The following LRP11 variants were observed in gnomAD, a reference collection of about 807,000 sequenced individuals.
LRP11 encodes LDL receptor related protein 11.
A neutral mutation model predicts 43.1 loss-of-function variants in LRP11; 25 were observed. The ratio of observed to expected loss-of-function variants is 0.58; its 90% confidence interval spans 0.42 to 0.81. The LOEUF is 0.81. Among genes scored for constraint, LRP11 ranks in the 30% least tolerant of loss-of-function variants. The pLI, the probability that LRP11 is intolerant of heterozygous loss-of-function variation, is 0.00. For missense variants in LRP11, 623 were observed against 665.1 expected (o/e 0.94, Z 0.70); for synonymous variants, 316 against 299.4 (o/e 1.06, Z -0.57).
chr6:149,852,066 T>A (rs1249434408), intron 2 of LRP11, among the ~76,000 whole-genome samples: 1 of 152,114 alleles, frequency 6.6e-6, no homozygotes, highest in Non-Finnish European at 1.5e-5. Context: ...CCACCTGGTC[T>A]CTCCCTTGAC....
At chr6:149,839,381 C>CT (rs1776515969) in intron 3 of LRP11, among the ~76,000 whole-genome samples, 1 of 152,094 alleles carries the variant, frequency 6.6e-6, no homozygotes, top group Non-Finnish European at 1.5e-5. Flanking sequence ...GAACATGGGC[C>CT]TGAAGGAGAG....
chr6:149,844,161 G>A (rs1268133033), intron 2 of LRP11, among the ~76,000 whole-genome samples: 2 of 151,072 alleles, frequency 1.3e-5, no homozygotes, highest in African/African-American at 2.4e-5. Context: ...GCTGAGGCAG[G>A]AGAATCGCTT....
chr6:149,826,358 A>G lies in LRP11; in HGVS notation c.1254T>C (p.Asp418=). The G allele has an allele frequency of 6.2e-7, 1 of 1,604,474 alleles. No individual in the cohort carries two copies. Among genetic ancestry groups the G allele is most frequent in the Non-Finnish European group, 8.5e-7 (1 of 1,171,410 alleles). The change falls in exon 6 of 7, where the codon GAT becomes GAC. Residue 418 remains aspartate, a splice_region_variant and synonymous_variant. Coordinates refer to ENST00000239367, the MANE Select transcript of LRP11 (RefSeq NM_032832.6). ...PESQIIPVMP[D]SSSSGKNRKE... ...TTCTGTTCTTCCCTGAGGAACTACT[A>G]TCTGCAGAAAAGAAAGAGAACATAT...
chr6:149,856,755 C>G (rs1023970394), intron 1 of LRP11, among the ~76,000 whole-genome samples: 1 of 152,162 alleles, frequency 6.6e-6, no homozygotes, highest in Admixed American at 6.5e-5. Context: ...ATAATATCAA[C>G]CAGCCTCATT....
intron 6 of LRP11, among the ~76,000 whole-genome samples, chr6:149,822,349 A>G (rs1468707648): frequency 6.6e-6 from 1 of 152,026 alleles, no homozygotes; most frequent in Non-Finnish European, 1.5e-5. Context: ...CAAAAAAAAA[A>G]AAGAGAAGTG....
At chr6:149,861,045 G>T (rs140878500) in intron 1 of LRP11, among the ~76,000 whole-genome samples, 1 of 152,144 alleles carries the variant, frequency 6.6e-6, no homozygotes, top group African/African-American at 2.4e-5. Context: ...CTGTAAGTTC[G>T]TGCTATCCCA....
Position 149,826,262 on chromosome 6 carries a change from A to G in LRP11, c.1348+2T>C. ...CAAAGGGTTTCCAAGGTGGACATTT[A>G]CCTGTTTCTGGGGCTGGGTGTTCCC... On this transcript the variant is annotated splice_donor_variant, in intron 6 of 6. Coordinates refer to ENST00000239367, the MANE Select transcript of LRP11 (RefSeq NM_032832.6). LOFTEE classifies it high-confidence loss of function. 6.2e-7 allele frequency: 1 copy of G among 1,608,982 alleles called. No individual in the cohort carries two copies. Among genetic ancestry groups the G allele is most frequent in the Non-Finnish European group, 8.5e-7 (1 of 1,175,382 alleles).
At position 149,859,377 on chromosome 6, in the gene LRP11, C is replaced by CATATATATATATATATATATATATATAT. The variant is rs201050390; in HGVS notation, c.613+4030_613+4031insATATATATATATATATATATATATATAT. On this transcript the variant is annotated intron_variant, in intron 1 of 6. Transcript: ENST00000239367. ...TTTATTTTTATTTTTCTTGCTGACT[C>CATATATATATATATATATATATATATAT]ATATATATATATATATATATTTTTT... Among the ~76,000 whole-genome samples the CATATATATATATATATATATATATATAT allele has an allele frequency of 1.1e-3, 57 of 51,538 alleles. 3 individuals carry two copies. The highest frequency in any genetic ancestry group is 9.8e-3 in the Middle Eastern group (1 of 102). 33.8% of individuals were successfully genotyped at this position (51,538 alleles called of 152,430 possible).
Position 149,836,118 on chromosome 6 carries a change from C to G in LRP11, c.1219G>C (p.Gly407Arg), listed in dbSNP as rs750743970. 3 of 1,614,036 alleles carry G rather than the reference C, an allele frequency of 1.9e-6. No homozygotes were observed. Among genetic ancestry groups the G allele is most frequent in the East Asian group, 2.2e-5 (1 of 44,880 alleles). The change falls in exon 5 of 7, where the codon GGA (glycine) becomes CGA (arginine). Residue 407 changes from glycine (G) to arginine (R), a missense_variant. Transcript: ENST00000239367. Reference sequence around the variant, plus strand: ...ACAGGAATGATTTGACTCTCTGGTCCCCAAAAGGCGGAATGATTCCTCTTC... The same window carrying G: ...ACAGGAATGATTTGACTCTCTGGTCGCCAAAAGGCGGAATGATTCCTCTTC... ...TEKRNHSAFW[G>R]PESQIIPVMP...
chr6:149,824,273 A>G (rs1776311850), intron 6 of LRP11, among the ~76,000 whole-genome samples: 1 of 152,198 alleles, frequency 6.6e-6, no homozygotes, highest in South Asian at 2.1e-4. Context: ...TAACAATAAA[A>G]CAGACGAGAT....
chr6:149,847,436 G>T (rs1776653632), intron 2 of LRP11, among the ~76,000 whole-genome samples: 1 of 152,174 alleles, frequency 6.6e-6, no homozygotes, highest in African/African-American at 2.4e-5. Context: ...CCTGCATTCA[G>T]ATATTTAGAA....
At chr6:149,851,626 C>T (rs1038236881) in intron 2 of LRP11, among the ~76,000 whole-genome samples, 1 of 152,212 alleles carries the variant, frequency 6.6e-6, no homozygotes, top group Non-Finnish European at 1.5e-5. Flanking sequence ...GCGTAGCCTG[C>T]TTGCCCAACA....
In LRP11 at chr6:149,842,980, C is replaced by T; in HGVS notation, c.913+3G>A. 1.9e-6 allele frequency: 3 copies of T among 1,614,120 alleles called. No homozygotes were observed. The highest frequency in any genetic ancestry group is 2.5e-6 in the Non-Finnish European group (3 of 1,180,002). ...GGAAGCGAGGGAAGGACTTTCTTCT[C>T]ACCTCCTGTGGAGTAGGCTGCGCGA... On this transcript the variant is annotated splice_donor_region_variant and intron_variant, in intron 3 of 6. Coordinates refer to ENST00000239367, the MANE Select transcript of LRP11 (RefSeq NM_032832.6).
intron 3 of LRP11, chr6:149,842,732 G>A (rs1776567854): frequency 7.2e-6 from 11 of 1,519,328 alleles, no homozygotes; most frequent in Non-Finnish European, 8.9e-6. Flanking sequence ...ATGAAGTCGA[G>A]TCAAGAGAAG....
chr6:149,850,468 T>C (rs913260284), intron 2 of LRP11, among the ~76,000 whole-genome samples: 1 of 152,152 alleles, frequency 6.6e-6, no homozygotes, highest in African/African-American at 2.4e-5. Context: ...AATATGAATA[T>C]TTTTCAAAGA....
At position 149,836,281 on chromosome 6, in the gene LRP11, C is replaced by A. The variant is rs1191060454; in HGVS notation, c.1056G>T (p.Lys352Asn). The change falls in exon 5 of 7, where the codon AAG (lysine) becomes AAT (asparagine). Residue 352 changes from lysine to asparagine, a missense_variant. By Grantham distance (94) the Lys-to-Asn change is moderately conservative. Coordinates refer to ENST00000239367, the MANE Select transcript of LRP11 (RefSeq NM_032832.6). Reference sequence around the variant, plus strand: ...GACTAGCTGCCGTGTGGGTTACCATCTTGCGGTCCAGGCCCACTGAAGTGT... The same window carrying A: ...GACTAGCTGCCGTGTGGGTTACCATATTGCGGTCCAGGCCCACTGAAGTGT... ...DFCQNLGLDR[K>N]MVTHTAASPA... is the part of the protein sequence containing the mutation. 1.2e-6 allele frequency: 2 copies of A among 1,614,176 alleles called. No individual in the cohort carries two copies. The highest frequency in any genetic ancestry group is 2.2e-5 in the South Asian group (2 of 91,076).
At chr6:149,822,816 G>C (rs1776293808) in intron 6 of LRP11, among the ~76,000 whole-genome samples, 1 of 152,240 alleles carries the variant, frequency 6.6e-6, no homozygotes, top group Non-Finnish European at 1.5e-5. Flanking sequence ...ATGTATGATA[G>C]AGACTGTTGG....
chr6:149,861,722 T>C (rs1023979784), intron 1 of LRP11, among the ~76,000 whole-genome samples: 1 of 152,198 alleles, frequency 6.6e-6, no homozygotes, highest in African/African-American at 2.4e-5. Context: ...GGTTTTGTCA[T>C]GTTGGCCAGG....
intron 1 of LRP11, among the ~76,000 whole-genome samples, chr6:149,856,693 G>C (rs1320708082): frequency 6.6e-6 from 1 of 152,166 alleles, no homozygotes; most frequent in Non-Finnish European, 1.5e-5. Context: ...TAAGACTCCT[G>C]CCGATTGAGA....
Sources: allele counts gnomAD v4.1 joint callset (sites outside exome capture counted in the v4.1 genomes callset), GRCh38; gene constraint gnomAD v4.1.1; transcripts MANE v1.5; gene names NCBI Gene and HGNC (gene_info 2026-07-23, HGNC 2026-07-21).